SLC67A1: variants seen among roughly 807,000 people sequenced by gnomAD.
The protein encoded by SLC67A1 is solute carrier family 67 member 1, also known as solute carrier family 67 member A1.
the SLC67A1 span, among the ~76,000 whole-genome samples, chr11:2,907,159 C>T: frequency 7.9e-6 from 1 of 127,352 alleles, no homozygotes; most frequent in African/African-American, 3.1e-5. The surrounding 1 kb of genome is among the most constrained non-coding windows in gnomAD (Gnocchi z 6.7). Flanking sequence ...CCAAGGGGGA[C>T]AGTGGAAAGA....
the SLC67A1 span, among the ~76,000 whole-genome samples, chr11:2,911,117 GC>G: frequency 6.6e-6 from 1 of 152,170 alleles, no homozygotes; most frequent in Admixed American, 6.5e-5. Flanking sequence ...CAGCAGGGAG[GC>G]CACCCCAGTG....
chr11:2,917,938 G>A, the SLC67A1 span: 5 of 1,436,816 alleles, frequency 3.5e-6, no homozygotes, highest in East Asian at 2.4e-5. Flanking sequence ...GGCGAGGGGT[G>A]GGCATTGGGA....
At chr11:2,919,317 G>C in the SLC67A1 span, 1 of 1,613,584 alleles carries the variant, frequency 6.2e-7, no homozygotes, top group Non-Finnish European at 8.5e-7. Context: ...GGCTCTTCAT[G>C]GTCATGTTCT....
the SLC67A1 span, chr11:2,909,540 G>A: frequency 1.3e-6 from 2 of 1,507,548 alleles, no homozygotes; most frequent in South Asian, 2.5e-5. Context: ...GCCCCACCGA[G>A]GGGCTTTCGC....
At chr11:2,906,267 T>C in the SLC67A1 span, among the ~76,000 whole-genome samples, 8 of 152,350 alleles carry the variant, frequency 5.3e-5, no homozygotes, top group Admixed American at 5.2e-4. Flanking sequence ...TTTACACTGT[T>C]GGTGGGACTG....
chr11:2,910,292 A>C, the SLC67A1 span, among the ~76,000 whole-genome samples: 1 of 152,174 alleles, frequency 6.6e-6, no homozygotes, highest in Non-Finnish European at 1.5e-5. Flanking sequence ...TGGTTCTAGA[A>C]TACAGCGGCA....
chr11:2,909,636 C>T, the SLC67A1 span: 2 of 1,534,484 alleles, frequency 1.3e-6, no homozygotes, highest in Non-Finnish European at 1.7e-6. Flanking sequence ...CGGCCCTGGG[C>T]CGGCTGGGCC....
At chr11:2,918,095 G>A in the SLC67A1 span, 4 of 1,611,746 alleles carry the variant, frequency 2.5e-6, no homozygotes, top group Admixed American at 6.7e-5. Context: ...CTGCCCCACA[G>A]GTGAGTCCCA....
At chr11:2,916,455 T>A in the SLC67A1 span, 6 of 598,080 alleles carry the variant, frequency 1.0e-5, no homozygotes, top group South Asian at 4.4e-5. Context: ...ACCTAATAAA[T>A]GTGCTCTGAG....
the SLC67A1 span, chr11:2,921,466 G>C: frequency 6.5e-6 from 1 of 154,630 alleles, no homozygotes; most frequent in Admixed American, 6.5e-5. Flanking sequence ...ACTCCCAGGC[G>C]CGTTGGCCCA....
the SLC67A1 span, chr11:2,924,912 G>A: frequency 8.9e-7 from 1 of 1,121,968 alleles, no homozygotes; most frequent in Non-Finnish European, 1.3e-6. This position sits in a 1 kb window ranked among gnomAD's most constrained non-coding sequence, Gnocchi z 8.6. Context: ...TGAGGTCAGG[G>A]TGGGTCAGGA....
the SLC67A1 span, among the ~76,000 whole-genome samples, chr11:2,924,121 G>T: frequency 6.6e-6 from 1 of 152,212 alleles, no homozygotes; most frequent in Non-Finnish European, 1.5e-5. This position sits in a 1 kb window ranked among gnomAD's most constrained non-coding sequence, Gnocchi z 8.6. Flanking sequence ...CCCCCTTGTT[G>T]CCCGAGTGTT....
the SLC67A1 span, chr11:2,919,296 C>T: frequency 3.7e-6 from 6 of 1,607,660 alleles, no homozygotes; most frequent in African/African-American, 6.7e-5. Flanking sequence ...TGTTCCCCTG[C>T]CCCGGCTCAG....
chr11:2,912,743 G>A, the SLC67A1 span, among the ~76,000 whole-genome samples: 2 of 152,058 alleles, frequency 1.3e-5, no homozygotes, highest in Non-Finnish European at 2.9e-5. Context: ...CACACGCTGG[G>A]TGGGGGGTGG....
the SLC67A1 span, chr11:2,909,079 T>A: frequency 2.1e-6 from 2 of 948,070 alleles, no homozygotes; most frequent in Non-Finnish European, 3.0e-6. Context: ...GCCCCCGCCC[T>A]CCATCCCCAT....
the SLC67A1 span, chr11:2,914,690 T>C: frequency 1.0e-6 from 1 of 985,304 alleles, no homozygotes; most frequent in Non-Finnish European, 1.2e-6. Flanking sequence ...ATGCCTTGCT[T>C]GTCACCAGCC....
At chr11:2,907,046 GGGAGCAGGGAT>G in the SLC67A1 span, among the ~76,000 whole-genome samples, 1 of 152,030 alleles carries the variant, frequency 6.6e-6, no homozygotes, top group African/African-American at 2.4e-5. This position sits in a 1 kb window ranked among gnomAD's most constrained non-coding sequence, Gnocchi z 6.7. Context: ...CCATCCTCGA[GGGAGCAGGGAT>G]GGAGCTGAAG....
chr11:2,919,295 G>A, the SLC67A1 span: 1 of 1,607,842 alleles, frequency 6.2e-7, no homozygotes, highest in Non-Finnish European at 8.5e-7. Flanking sequence ...CTGTTCCCCT[G>A]CCCCGGCTCA....
At chr11:2,906,302 G>C in the SLC67A1 span, among the ~76,000 whole-genome samples, 1 of 152,214 alleles carries the variant, frequency 6.6e-6, no homozygotes, top group African/African-American at 2.4e-5. Context: ...CATTGTGGAA[G>C]ACATGTGGCG....
Sources: gnomAD v4.1 joint callset for allele counts (sites outside exome capture counted in the v4.1 genomes callset) on GRCh38, gnomAD v4.1.1 for gene constraint, Gnocchi (gnomAD v3.1) non-coding constraint, MANE v1.5 for transcripts, NCBI Gene and HGNC (gene_info 2026-07-23, HGNC 2026-07-21) for gene names.